Variants in SULF2 observed in about 807,000 individuals in gnomAD.
SULF2 encodes sulfatase 2, also known as extracellular sulfatase Sulf-2.
Under a neutral mutation model 107.7 loss-of-function variants are expected in SULF2, and 52 were observed. That is an observed-to-expected ratio of 0.48 (90% CI 0.39 to 0.61). The LOEUF is 0.61. Among genes scored for constraint, SULF2 ranks in the 20% least tolerant of loss-of-function variants. SULF2 has a pLI of 0.00. For synonymous variants in SULF2, 460 were observed against 464.3 expected (o/e 0.99, Z 0.12); for missense variants, 993 against 1,177.3 (o/e 0.84, Z 2.29).
At chr20:47,659,601 T>G (rs2087000445) in intron 19 of SULF2, 96 bp downstream of exon 19, 2 of 1,384,470 alleles carry the variant, frequency 1.4e-6, no homozygotes, top group South Asian at 1.2e-5. Flanking sequence ...GAAGGGCAGT[T>G]TCTCAAGATA....
chr20:47,677,005 T>C, intron 9 of SULF2, 73 bp downstream of exon 9: 1 of 1,526,268 alleles, frequency 6.6e-7, no homozygotes, highest in Non-Finnish European at 9.0e-7. Flanking sequence ...CATGATGCGG[T>C]GGGGCTACAG....
intron 8 of SULF2, 53 bp from the exon 9 acceptor site, chr20:47,677,187 C>T (rs1026732981): frequency 7.9e-5 from 127 of 1,598,770 alleles, no homozygotes; most frequent in Middle Eastern, 5.0e-4. Context: ...TTCCCACGAC[C>T]CCCCGTTCCC....
intron 4 of SULF2, 68 bp from the exon 5 acceptor site, chr20:47,690,363 C>CCTAG: frequency 7.9e-7 from 1 of 1,272,028 alleles, no homozygotes; most frequent in Non-Finnish European, 1.0e-6. Flanking sequence ...CCACTACGTG[C>CCTAG]CAGGCACCCT....
intron 3 of SULF2, among the ~76,000 whole-genome samples, chr20:47,728,794 C>A (rs1000747414): frequency 6.6e-6 from 1 of 152,058 alleles, no homozygotes; most frequent in African/African-American, 2.4e-5. Context: ...TACAGGCTTG[C>A]GCCACCACAT....
At chr20:47,682,155 T>C (rs1210993505) in intron 7 of SULF2, among the ~76,000 whole-genome samples, 1 of 152,236 alleles carries the variant, frequency 6.6e-6, no homozygotes. Context: ...CTTGAACTCA[T>C]GCAGCCTGCC....
intron 5 of SULF2, chr20:47,689,888 T>G: frequency 2.0e-4 from 60 of 297,854 alleles, no homozygotes; most frequent in East Asian, 4.4e-4. Flanking sequence ...ACACACCTCT[T>G]GGTGGGAGGC....
chr20:47,663,616 G>A lies in SULF2; in HGVS notation c.2064C>T (p.Gly688=). The change falls in exon 16 of 21, where the codon GGC becomes GGT. Residue 688 remains glycine, a synonymous_variant. Transcript: ENST00000688720. ...RGSSLHPFRK[G]LQEKDKVWLL... ...GCCACACCTTGTCCTTCTCTTGCAG[G>A]CCCTTCCTATGGGCGCAGAGGGCCA... 2 of 1,587,938 alleles carry A rather than the reference G, an allele frequency of 1.3e-6. No homozygotes were observed. The highest frequency in any genetic ancestry group is 1.7e-6 in the Non-Finnish European group (2 of 1,166,774).
chr20:47,701,081 C>A (rs549796276), intron 4 of SULF2, among the ~76,000 whole-genome samples: 2 of 152,334 alleles, frequency 1.3e-5, no homozygotes, highest in South Asian at 2.1e-4. Context: ...TAGACCCAAA[C>A]TGGAGACAAC....
chr20:47,709,229 A>C (rs1403350679), intron 3 of SULF2, among the ~76,000 whole-genome samples: 1 of 152,034 alleles, frequency 6.6e-6, no homozygotes, highest in Admixed American at 6.5e-5. Flanking sequence ...TGAGCTTTCG[A>C]GGCAAGGACA....
At chr20:47,660,632 G>A (rs1481600261) in intron 18 of SULF2, among the ~76,000 whole-genome samples, 1 of 151,342 alleles carries the variant, frequency 6.6e-6, no homozygotes, top group African/African-American at 2.4e-5. Flanking sequence ...TTTAGAGATG[G>A]GGCGACAGCT....
Position 47,731,749 on chromosome 20 carries a change from A to G in SULF2, c.415+4954T>C, listed in dbSNP as rs1363588373. Among the ~76,000 whole-genome samples the G allele has an allele frequency of 4.6e-5, 7 of 152,264 alleles. No homozygotes were observed. In the East Asian group the frequency reaches 5.8e-4, roughly 13 times the overall value. On this transcript the variant is annotated intron_variant, in intron 3 of 20. Transcript: ENST00000688720. ...TTTCAGCTTTGCCAGAAATTGGCAA[A>G]CTGTTCTTCAAAGTGGAGGGAACAA...
intron 3 of SULF2, among the ~76,000 whole-genome samples, chr20:47,723,239 A>G (rs2146708043): frequency 7.1e-6 from 1 of 140,510 alleles, no homozygotes; most frequent in East Asian, 2.1e-4. Context: ...GTGACAGTCC[A>G]TCTCAAAAAA....
intron 3 of SULF2, among the ~76,000 whole-genome samples, chr20:47,718,282 A>T (rs1323427140): frequency 6.6e-6 from 1 of 152,216 alleles, no homozygotes; most frequent in Non-Finnish European, 1.5e-5. Context: ...AGTTGCTGGG[A>T]AAGATTCAAT....
intron 2 of SULF2, among the ~76,000 whole-genome samples, chr20:47,750,370 C>A (rs2090134715): frequency 6.6e-6 from 1 of 152,232 alleles, no homozygotes. Context: ...TCATTCTCAA[C>A]TCTTCTTTAC....
chr20:47,772,569 CTT>C (rs1568929225), intron 1 of SULF2, among the ~76,000 whole-genome samples: 1 of 152,114 alleles, frequency 6.6e-6, no homozygotes. Context: ...GACCCAGAGG[CTT>C]GGAGGAGAGC....
In SULF2 at chr20:47,742,927, A is replaced by ATTTTTTTTTT. The variant is rs397837137; in HGVS notation, c.176-5995_176-5986dup. On this transcript the variant is annotated intron_variant, in intron 2 of 20. Coordinates refer to ENST00000688720, the MANE Select transcript of SULF2 (RefSeq NM_001387048.1). Reference sequence around the variant, plus strand: ...AGGGAGTTTCAGGATTCAAAACATGATTTTTTTTTTTTTTTTTTTTTTTTT... The same window carrying ATTTTTTTTTT: ...AGGGAGTTTCAGGATTCAAAACATGATTTTTTTTTTTTTTTTTTTTTTTTTTTTTTTTTTT... Among the ~76,000 whole-genome samples the ATTTTTTTTTT allele has an allele frequency of 9.0e-5, 9 of 99,454 alleles. 3 individuals are homozygous for ATTTTTTTTTT. The highest frequency in any genetic ancestry group is 7.6e-5 in the African/African-American group (2 of 26,194). The allele number at this position is 99,454 out of a possible 152,430, so 65.2% of individuals were successfully genotyped here. A position where few individuals can be genotyped will look rare whatever the true frequency, so the allele number is the denominator to read the frequency against.
chr20:47,766,084 A>C (rs1172042312), intron 1 of SULF2, among the ~76,000 whole-genome samples: 2 of 152,168 alleles, frequency 1.3e-5, no homozygotes, highest in Non-Finnish European at 2.9e-5. Flanking sequence ...CAGGCAGAGG[A>C]AACAGAGAGA....
intron 1 of SULF2, among the ~76,000 whole-genome samples, chr20:47,768,476 T>A (rs1010281180): frequency 6.6e-6 from 1 of 152,178 alleles, no homozygotes; most frequent in Admixed American, 6.5e-5. Context: ...TGAACCCAAA[T>A]TGGGGGGCGG....
chr20:47,668,952 G>C (rs1403503202), intron 11 of SULF2, among the ~76,000 whole-genome samples: 3 of 152,156 alleles, frequency 2.0e-5, no homozygotes, highest in Admixed American at 6.5e-5. Flanking sequence ...CTCTCTGGCT[G>C]GTCACAAGAC....
Sources: allele counts gnomAD v4.1 joint callset (sites outside exome capture counted in the v4.1 genomes callset), GRCh38; gene constraint gnomAD v4.1.1; transcripts MANE v1.5; gene names NCBI Gene and HGNC (gene_info 2026-07-23, HGNC 2026-07-21).